Variants in LRBA observed in about 807,000 individuals in gnomAD.
LRBA encodes the protein LPS responsive beige-like anchor protein, also known as lipopolysaccharide-responsive and beige-like anchor protein.
LRBA carries 176 observed loss-of-function variants against 330.0 expected under a neutral mutation model. The observed-to-expected ratio is 0.53, with a 90% CI of 0.47 to 0.60. LRBA has a LOEUF of 0.60. LRBA is among the 20% of genes least tolerant of loss of function. The probability of loss-of-function intolerance (pLI) is 0.00; values close to 1 mark genes in which losing one functional copy is unlikely to be tolerated. For missense variants in LRBA, 3,259 were observed against 3,444.8 expected (o/e 0.95, Z 1.35); for synonymous variants, 1,230 against 1,193.0 (o/e 1.03, Z -0.64).
At chr4:150,436,592 T>C (rs1391465493) in intron 45 of LRBA, 132 bp downstream of exon 45, 1 of 655,396 alleles carries the variant, frequency 1.5e-6, no homozygotes, top group Non-Finnish European at 2.5e-6. Context: ...GAGATATTTA[T>C]AATTAGAACT....
rs539642196 is a variant in LRBA, at chr4:150,590,926, G to C, written c.6047-67C>G. The C allele has an allele frequency of 1.3e-4, 196 of 1,502,360 alleles. No individual in the cohort carries two copies. In the Admixed American group the frequency reaches 3.6e-3, roughly 28 times the overall value. The allele number at this position is 1,502,360 out of a possible 1,614,324, so 93.1% of individuals were successfully genotyped here. The stretch of plus-strand genomic sequence containing the variant: ...AGAGCACTTCGGCAGAGGGGTAGGG[G>C]CTTAGGTAAGGGTAGGTGGCCAAAG... On this transcript the variant is annotated intron_variant, in intron 38 of 56. Coordinates refer to ENST00000651943, the MANE Select transcript of LRBA (RefSeq NM_001364905.1).
chr4:150,408,307 A>C (rs1581226562), intron 47 of LRBA, among the ~76,000 whole-genome samples: 1 of 152,242 alleles, frequency 6.6e-6, no homozygotes, highest in Middle Eastern at 3.4e-3. Context: ...AATTCCAAGA[A>C]AGAAATAAAT....
chr4:150,604,018 A>G (rs1358317336), intron 37 of LRBA, among the ~76,000 whole-genome samples: 1 of 152,214 alleles, frequency 6.6e-6, no homozygotes, highest in Non-Finnish European at 1.5e-5. Flanking sequence ...GAAGTATTAA[A>G]ACAAAATCAA....
intron 44 of LRBA, among the ~76,000 whole-genome samples, chr4:150,463,675 C>A (rs1200637665): frequency 1.3e-5 from 2 of 152,040 alleles, no homozygotes; most frequent in South Asian, 4.1e-4. Context: ...ACCCACCCAA[C>A]AAAAGTATTT....
intron 40 of LRBA, among the ~76,000 whole-genome samples, chr4:150,517,375 G>C (rs1007561977): frequency 6.6e-6 from 1 of 152,060 alleles, no homozygotes; most frequent in African/African-American, 2.4e-5. Context: ...ACAAAAATTA[G>C]CCAGGCATGG....
At chr4:150,572,512 T>A (rs1769998077) in intron 40 of LRBA, among the ~76,000 whole-genome samples, 1 of 152,198 alleles carries the variant, frequency 6.6e-6, no homozygotes, top group African/African-American at 2.4e-5. Context: ...TTGGCTCATT[T>A]CTACCTTTAC....
At chr4:150,335,799 C>G (rs1026918019) in intron 48 of LRBA, among the ~76,000 whole-genome samples, 2 of 152,082 alleles carry the variant, frequency 1.3e-5, no homozygotes. Flanking sequence ...TGGGTGCAAG[C>G]GATCCTCCCA....
chr4:150,413,910 A>G (rs891490603), intron 47 of LRBA, among the ~76,000 whole-genome samples: 7 of 151,876 alleles, frequency 4.6e-5, no homozygotes, highest in Non-Finnish European at 1.0e-4. Context: ...TGCCGCATTT[A>G]AAGGTTTGAC....
In LRBA at chr4:150,928,979, T is replaced by C. The variant is rs1371176914; in HGVS notation, c.303A>G (p.Lys101=). 2.5e-6 allele frequency: 4 copies of C among 1,613,696 alleles called. No homozygotes were observed. Among genetic ancestry groups the C allele is most frequent in the Admixed American group, 1.7e-5 (1 of 60,008 alleles). ...CTTCTGCTTGGCACGTAATGTCACATTTTTCCAGTAGGTCCACCATGCAGT... is the reference window on the plus strand; with the variant it reads ...CTTCTGCTTGGCACGTAATGTCACACTTTTCCAGTAGGTCCACCATGCAGT... The part of the protein sequence containing the change: ...SINCMVDLLE[K]CDITCQAEVW... Residue 101 remains lysine, a synonymous_variant, in exon 3 of 57, where the codon AAA becomes AAG. Coordinates refer to ENST00000651943, the MANE Select transcript of LRBA (RefSeq NM_001364905.1).
chr4:150,876,492 C>A (rs1473375902), intron 17 of LRBA, among the ~76,000 whole-genome samples: 1 of 152,140 alleles, frequency 6.6e-6, no homozygotes. Flanking sequence ...AAACAGAACC[C>A]CATCAGCCTA....
intron 37 of LRBA, among the ~76,000 whole-genome samples, chr4:150,664,365 G>C (rs1217057665): frequency 6.6e-6 from 1 of 152,080 alleles, no homozygotes; most frequent in Non-Finnish European, 1.5e-5. Flanking sequence ...CCTAATTATG[G>C]CTTGACATAT....
intron 37 of LRBA, among the ~76,000 whole-genome samples, chr4:150,601,723 G>A (rs995615331): frequency 2.0e-5 from 3 of 150,932 alleles, no homozygotes; most frequent in East Asian, 1.9e-4. Context: ...TTGGAGTCTC[G>A]CTCTGTCACC....
intron 40 of LRBA, 143 bp downstream of exon 40, chr4:150,587,905 A>G (rs375613005): frequency 1.3e-6 from 1 of 786,050 alleles, no homozygotes; most frequent in Non-Finnish European, 1.9e-6. Flanking sequence ...ATCATAAACT[A>G]AAGAAGATAA....
intron 47 of LRBA, among the ~76,000 whole-genome samples, chr4:150,397,549 A>G (rs1053707756): frequency 2.0e-5 from 3 of 152,206 alleles, no homozygotes; most frequent in Non-Finnish European, 4.4e-5. Flanking sequence ...AAGCACTGGG[A>G]TTATAGATAT....
At chr4:150,460,019 C>T (rs1004328644) in intron 44 of LRBA, among the ~76,000 whole-genome samples, 6 of 151,806 alleles carry the variant, frequency 4.0e-5, no homozygotes, top group African/African-American at 1.5e-4. Context: ...AGCCATAACA[C>T]CTAACAAGTT....
chr4:150,622,818 C>A (rs1270096461), intron 37 of LRBA, among the ~76,000 whole-genome samples: 2 of 151,714 alleles, frequency 1.3e-5, no homozygotes, highest in Non-Finnish European at 2.9e-5. Flanking sequence ...CTGCCTCAGC[C>A]TCCTGAGTAG....
chr4:150,901,226 G>A (rs1005414757), intron 13 of LRBA, among the ~76,000 whole-genome samples: 1 of 152,086 alleles, frequency 6.6e-6, no homozygotes, highest in African/African-American at 2.4e-5. Flanking sequence ...TTGAACCCAG[G>A]AGGTAGAGAG....
At chr4:150,897,472 A>G (rs961878544) in intron 15 of LRBA, among the ~76,000 whole-genome samples, 2 of 152,098 alleles carry the variant, frequency 1.3e-5, no homozygotes, top group African/African-American at 4.8e-5. Context: ...AAACATAGTA[A>G]ATATTTGCTG....
chr4:150,682,719 CTT>C (rs780235003), intron 37 of LRBA, among the ~76,000 whole-genome samples: 224 of 152,096 alleles, frequency 1.5e-3, no homozygotes, highest in Non-Finnish European at 1.5e-3. Context: ...AAATTACACT[CTT>C]ATATAATATA....
Sources: allele counts gnomAD v4.1 joint callset (sites outside exome capture counted in the v4.1 genomes callset), GRCh38; gene constraint gnomAD v4.1.1; transcripts MANE v1.5; gene names NCBI Gene and HGNC (gene_info 2026-07-23, HGNC 2026-07-21).